The following SYT14 variants were observed in gnomAD, a reference collection of about 807,000 sequenced individuals.
The protein encoded by SYT14 is synaptotagmin-14.
SYT14 carries 32 observed loss-of-function variants against 74.2 expected under a neutral mutation model. The observed-to-expected ratio is 0.43, with a 90% CI of 0.33 to 0.58. The LOEUF is 0.58. Ranked by LOEUF, SYT14 falls within the 20% of genes least tolerant of loss-of-function variation. The pLI is 0.05. For missense variants in SYT14, 791 were observed against 981.8 expected (o/e 0.81, Z 2.60); for synonymous variants, 298 against 337.7 (o/e 0.88, Z 1.29).
At chr1:210,108,591 C>CTTGGGCATG (rs1312457529) in intron 7 of SYT14, among the ~76,000 whole-genome samples, 1 of 151,266 alleles carries the variant, frequency 6.6e-6, no homozygotes, top group African/African-American at 2.4e-5. Context: ...TGAGGAGAGC[C>CTTGGGCATG]TTGGGCATGT....
intron 5 of SYT14, among the ~76,000 whole-genome samples, chr1:210,077,923 T>G (rs2081535971): frequency 2.0e-5 from 3 of 152,208 alleles, no homozygotes; most frequent in Non-Finnish European, 4.4e-5. Context: ...GAAAAGGTTT[T>G]ATACTAGAAC....
chr1:209,985,869 C>T (rs2079561762), intron 2 of SYT14, among the ~76,000 whole-genome samples: 1 of 152,208 alleles, frequency 6.6e-6, no homozygotes, highest in Non-Finnish European at 1.5e-5. Context: ...CCAAGGTATA[C>T]CTGGGCCTTT....
chr1:209,972,648 G>A (rs193167423), intron 2 of SYT14, among the ~76,000 whole-genome samples: 14 of 152,290 alleles, frequency 9.2e-5, no homozygotes, highest in Non-Finnish European at 1.6e-4. Flanking sequence ...CCATGAAATT[G>A]TGTGGTTTTG....
intron 5 of SYT14, among the ~76,000 whole-genome samples, chr1:210,076,010 G>A (rs945113174): frequency 6.6e-6 from 1 of 152,016 alleles, no homozygotes; most frequent in African/African-American, 2.4e-5. Context: ...CTTTTTGATG[G>A]CAGCATTCTA....
intron 2 of SYT14, among the ~76,000 whole-genome samples, chr1:209,962,104 CTTACTT>C (rs1326528019): frequency 6.6e-6 from 1 of 151,892 alleles, no homozygotes; most frequent in Admixed American, 6.6e-5. Flanking sequence ...TTATAATTGT[CTTACTT>C]TTCTTTCTTT....
intron 5 of SYT14, among the ~76,000 whole-genome samples, chr1:210,080,002 C>T (rs1457444768): frequency 6.6e-6 from 1 of 152,064 alleles, no homozygotes; most frequent in Non-Finnish European, 1.5e-5. Flanking sequence ...GAGTTGTCCT[C>T]ATAGTATTTT....
At chr1:210,082,868 G>C (rs1161373134) in intron 5 of SYT14, among the ~76,000 whole-genome samples, 2 of 152,230 alleles carry the variant, frequency 1.3e-5, no homozygotes, top group East Asian at 3.9e-4. Flanking sequence ...GTCAAGAAAT[G>C]AGAGGCAGTG....
chr1:210,006,509 G>C (rs1446697081), intron 2 of SYT14, among the ~76,000 whole-genome samples: 2 of 151,810 alleles, frequency 1.3e-5, no homozygotes, highest in Non-Finnish European at 2.9e-5. Context: ...TTCAATGAAA[G>C]TTGACTTTGA....
intron 1 of SYT14, among the ~76,000 whole-genome samples, chr1:209,939,071 T>G (rs1558080181): frequency 6.6e-6 from 1 of 152,116 alleles, no homozygotes; most frequent in Non-Finnish European, 1.5e-5. Context: ...GACACTAAAG[T>G]GTATTTTTCT....
At chr1:210,059,451 T>TATATAGAGAGAGAGAGAGAG (rs377050610) in intron 5 of SYT14, among the ~76,000 whole-genome samples, 8 of 69,908 alleles carry the variant, frequency 1.1e-4, no homozygotes, top group African/African-American at 2.4e-4. Context: ...TATATATATA[T>TATATAGAGAGAGAGAGAGAG]AGAGAGAGAG....
intron 2 of SYT14, among the ~76,000 whole-genome samples, chr1:209,995,627 A>G (rs540195739): frequency 3.3e-5 from 5 of 152,330 alleles, no homozygotes; most frequent in African/African-American, 7.2e-5. Flanking sequence ...CATTTGACCA[A>G]TTGGACCTCA....
chr1:210,098,895 T>C (rs1248605842), intron 6 of SYT14, among the ~76,000 whole-genome samples: 4 of 152,090 alleles, frequency 2.6e-5, no homozygotes, highest in South Asian at 2.1e-4. Context: ...AGATTCACCA[T>C]GTTGGCCAGG....
chr1:210,014,840 C>T (rs2080152231), intron 3 of SYT14, among the ~76,000 whole-genome samples: 1 of 151,998 alleles, frequency 6.6e-6, no homozygotes. Context: ...TTCTCTGGTT[C>T]AGCATTTCTG....
At chr1:210,081,675 C>A (rs545895596) in intron 5 of SYT14, among the ~76,000 whole-genome samples, 1 of 152,252 alleles carries the variant, frequency 6.6e-6, no homozygotes, top group East Asian at 1.9e-4. Context: ...CATGATATGT[C>A]TGTGGTTTTT....
chr1:210,082,805 G>A (rs2081640590), intron 5 of SYT14, among the ~76,000 whole-genome samples: 1 of 152,228 alleles, frequency 6.6e-6, no homozygotes, highest in East Asian at 1.9e-4. Context: ...AAACAGAAAT[G>A]CTTTTCACTT....
At chr1:210,121,643 A>T (rs964626119) in intron 7 of SYT14, among the ~76,000 whole-genome samples, 2 of 151,956 alleles carry the variant, frequency 1.3e-5, no homozygotes, top group Non-Finnish European at 2.9e-5. Context: ...AAATACAAAA[A>T]ATTAGCCAGG....
intron 2 of SYT14, among the ~76,000 whole-genome samples, chr1:210,004,464 C>G (rs571888769): frequency 6.6e-6 from 1 of 152,086 alleles, no homozygotes. Context: ...GGTATACCAC[C>G]AAATTTTACA....
chr1:210,125,539 C>T (rs2102623708), intron 7 of SYT14, among the ~76,000 whole-genome samples: 1 of 152,278 alleles, frequency 6.6e-6, no homozygotes, highest in Non-Finnish European at 1.5e-5. Context: ...ATCTTCCTGC[C>T]TTCCCACTAC....
intron 5 of SYT14, among the ~76,000 whole-genome samples, chr1:210,045,444 A>G (rs1280328257): frequency 6.6e-6 from 1 of 152,180 alleles, no homozygotes; most frequent in Non-Finnish European, 1.5e-5. Flanking sequence ...AATGGAGGAC[A>G]TATTCTTTTT....
Sources: allele counts gnomAD v4.1 joint callset (sites outside exome capture counted in the v4.1 genomes callset), GRCh38; gene constraint gnomAD v4.1.1; transcripts MANE v1.5; gene names NCBI Gene and HGNC (gene_info 2026-07-23, HGNC 2026-07-21).